Variants in TYW1B observed in about 807,000 individuals in gnomAD.
TYW1B encodes S-adenosyl-L-methionine-dependent tRNA 4-demethylwyosine synthase TYW1B.
In TYW1B, 73 loss-of-function variants were observed where a neutral mutation model predicts 86.9. That is an observed-to-expected ratio of 0.84 (90% CI 0.70 to 1.02). The LOEUF is 1.02. Ranked by LOEUF, TYW1B falls within the 50% of genes least tolerant of loss-of-function variation. TYW1B has a pLI of 0.00. For missense variants in TYW1B, 637 were observed against 827.4 expected (o/e 0.77, Z 2.82); for synonymous variants, 248 against 292.8 (o/e 0.85, Z 1.56).
chr7:72,671,406 C>A (rs1344990558), intron 11 of TYW1B, among the ~76,000 whole-genome samples: 1 of 152,146 alleles, frequency 6.6e-6, no homozygotes, highest in Non-Finnish European at 1.5e-5. Context: ...TGCTTCTAAT[C>A]TTCTGCTATT....
chr7:72,815,743 T>C (rs1171068842), intron 2 of TYW1B, among the ~76,000 whole-genome samples: 3 of 152,086 alleles, frequency 2.0e-5, no homozygotes, highest in African/African-American at 4.8e-5. Flanking sequence ...CTTGCCCTAC[T>C]AGAATAAACA....
At chr7:72,765,866 C>G (rs1382376461) in intron 7 of TYW1B, among the ~76,000 whole-genome samples, 2 of 152,154 alleles carry the variant, frequency 1.3e-5, no homozygotes, top group Non-Finnish European at 2.9e-5. Flanking sequence ...GATATTCAAA[C>G]TACAAACCGG....
chr7:72,815,994 A>G (rs1554479347), intron 2 of TYW1B, among the ~76,000 whole-genome samples: 1 of 152,234 alleles, frequency 6.6e-6, no homozygotes, highest in East Asian at 1.9e-4. Context: ...ACACCAATGC[A>G]CTCTAGCCTG....
At chr7:72,770,409 C>T (rs1416354956) in intron 7 of TYW1B, among the ~76,000 whole-genome samples, 4 of 109,778 alleles carry the variant, frequency 3.6e-5, no homozygotes, top group African/African-American at 7.3e-5. Flanking sequence ...AGGCTGGCAA[C>T]AGAGTGAGAC....
intron 5 of TYW1B, 100 bp from the exon 6 acceptor site, chr7:72,802,622 CTT>C (rs200906243): frequency 0.02 from 21,179 of 1,067,606 alleles, no homozygotes; most frequent in East Asian, 0.031. Context: ...TCTCTAAATT[CTT>C]TTTTTTTTTT....
In TYW1B at chr7:72,575,561, G is replaced by C. The variant is rs782764583; in HGVS notation, c.1944C>G (p.Ser648Arg). The change falls in exon 14 of 14, where the codon AGC becomes AGG. Residue 648 changes from serine to arginine, a missense_variant. By Grantham distance (110) the Ser-to-Arg change is moderately radical. Transcript: ENST00000620995. Reference protein sequence around the residue: ...HWALFGANERSFDPKDTRHQR... With the variant: ...HWALFGANERRFDPKDTRHQR... ...GATGTCTTGTGTCCTTGGGATCAAAGCTTCTTTCATTGGCACCAAATAATG... is the reference window on the plus strand; with the variant it reads ...GATGTCTTGTGTCCTTGGGATCAAACCTTCTTTCATTGGCACCAAATAATG... 79 of 1,613,820 alleles carry C rather than the reference G, an allele frequency of 4.9e-5. No individual in the cohort carries two copies. The Admixed American group carries it at 1.3e-3, about 27-fold the overall frequency.
At chr7:72,661,994 A>G (rs1449662459) in intron 11 of TYW1B, among the ~76,000 whole-genome samples, 5 of 152,142 alleles carry the variant, frequency 3.3e-5, no homozygotes, top group Non-Finnish European at 5.9e-5. Context: ...CCCTGTCCTC[A>G]GTCCTACCAA....
At chr7:72,821,763 C>T (rs1379047397) in intron 2 of TYW1B, among the ~76,000 whole-genome samples, 1 of 152,080 alleles carries the variant, frequency 6.6e-6, no homozygotes, top group East Asian at 1.9e-4. Context: ...TTGGACCAAG[C>T]AACTGGAAGG....
At chr7:72,659,866 C>T (rs1225308096) in intron 11 of TYW1B, among the ~76,000 whole-genome samples, 2 of 152,124 alleles carry the variant, frequency 1.3e-5, no homozygotes, top group African/African-American at 4.8e-5. Context: ...ACGAGGAAGC[C>T]GTTATAGATA....
At chr7:72,625,817 T>G (rs185376563) in intron 12 of TYW1B, among the ~76,000 whole-genome samples, 2,531 of 148,300 alleles carry the variant, frequency 0.017, 53 homozygotes, top group African/African-American at 0.059. Context: ...TGTTGACTGA[T>G]TTTTTTCAGA....
chr7:72,575,343 C>T lies in TYW1B; in HGVS notation c.*155G>A, dbSNP rs1442582284. 23 of 1,441,596 alleles carry T rather than the reference C, an allele frequency of 1.6e-5. No individual in the cohort carries two copies. The South Asian group carries it at 2.0e-4, about 13-fold the overall frequency. 89.3% of individuals were successfully genotyped at this position (1,441,596 alleles called of 1,614,324 possible). ...GTGGCCCAGGCCCTCTGAGTGTGGA[C>T]GCTGTCCCCCGTGTCTCCATGTTTA... On this transcript the variant is annotated 3_prime_UTR_variant, in exon 14 of 14. Transcript: ENST00000620995.
intron 11 of TYW1B, among the ~76,000 whole-genome samples, chr7:72,676,765 C>T (rs1813744987): frequency 6.6e-6 from 1 of 152,124 alleles, no homozygotes; most frequent in Non-Finnish European, 1.5e-5. Flanking sequence ...TCAAGACCAG[C>T]CTGGCCAATA....
chr7:72,725,539 AT>A (rs1786983416), intron 9 of TYW1B, among the ~76,000 whole-genome samples: 1 of 152,174 alleles, frequency 6.6e-6, no homozygotes, highest in Admixed American at 6.5e-5. Context: ...GCGTCCAGAT[AT>A]TTGTTCAGCC....
At chr7:72,589,863 C>A (rs553781188) in intron 13 of TYW1B, among the ~76,000 whole-genome samples, 1 of 151,938 alleles carries the variant, frequency 6.6e-6, no homozygotes, top group Non-Finnish European at 1.5e-5. Flanking sequence ...GCAACCAGAG[C>A]GAAACTCTGT....
intron 8 of TYW1B, among the ~76,000 whole-genome samples, chr7:72,730,615 AGAG>A (rs1361292453): frequency 3.3e-5 from 5 of 150,966 alleles, no homozygotes; most frequent in African/African-American, 1.2e-4. Flanking sequence ...GAGGAGAAGA[AGAG>A]GAGAAAAAGA....
rs113717585 is a variant in TYW1B at position 72,595,788 on chromosome 7, T to C, written c.1786-20069A>G. Among the ~76,000 whole-genome samples, 646 of 152,262 alleles carry C rather than the reference T, an allele frequency of 4.2e-3. 6 individuals carry two copies. The highest frequency in any genetic ancestry group is 0.012 in the African/African-American group (494 of 41,550). On this transcript the variant is annotated intron_variant, in intron 13 of 13. Transcript: ENST00000620995. The stretch of plus-strand genomic sequence containing the variant: ...TTTAACCAAAGAGATGGAAGACTTG[T>C]ACAATGAAAAGTATAAAACATTACT...
At chr7:72,593,821 A>T (rs111890768) in intron 13 of TYW1B, among the ~76,000 whole-genome samples, 88 of 45,590 alleles carry the variant, frequency 1.9e-3, no homozygotes, top group South Asian at 0.018. Flanking sequence ...GACTCCATCT[A>T]AAAAAAAAAA....
At chr7:72,584,242 G>A (rs1811221323) in intron 13 of TYW1B, among the ~76,000 whole-genome samples, 1 of 152,134 alleles carries the variant, frequency 6.6e-6, no homozygotes, top group African/African-American at 2.4e-5. Context: ...AGACAGTCTT[G>A]CTATGCAGCC....
At chr7:72,780,017 A>T (rs1331058348) in intron 6 of TYW1B, among the ~76,000 whole-genome samples, 4 of 152,190 alleles carry the variant, frequency 2.6e-5, no homozygotes, top group African/African-American at 7.2e-5. Context: ...AAAAATTCAT[A>T]AACAAACATC....
Sources: allele counts gnomAD v4.1 joint callset (sites outside exome capture counted in the v4.1 genomes callset), GRCh38; gene constraint gnomAD v4.1.1; transcripts MANE v1.5; gene names NCBI Gene and HGNC (gene_info 2026-07-23, HGNC 2026-07-21).